The following RBM24 variants were observed in gnomAD, a reference collection of about 807,000 sequenced individuals.
The protein encoded by RBM24 is RNA-binding protein 24.
Under a neutral mutation model 23.6 loss-of-function variants are expected in RBM24, and 5 were observed. The observed-to-expected ratio is 0.21, with a 90% CI of 0.11 to 0.45. The LOEUF (loss-of-function observed/expected upper bound fraction) is 0.45. Among genes scored for constraint, RBM24 ranks in the 20% least tolerant of loss-of-function variants. The pLI is 0.99. For missense variants in RBM24, 252 were observed against 314.6 expected (o/e 0.80, Z 1.51); for synonymous variants, 151 against 129.5 (o/e 1.17, Z -1.13).
At chr6:17,282,150 A>G (rs1760038926) in intron 1 of RBM24, 1 of 1,239,282 alleles carries the variant, frequency 8.1e-7, no homozygotes, top group Non-Finnish European at 1.0e-6. Context: ...TGGCTGGGGC[A>G]GGGAGGGGAC....
At position 17,291,837 on chromosome 6, in the gene RBM24, C is replaced by T. The variant is rs1312499590; in HGVS notation, c.429C>T (p.Ala143=). Residue 143 remains alanine (A), a synonymous_variant, in exon 4 of 4, where the codon GCC becomes GCT. Transcript: ENST00000379052. The stretch of plus-strand genomic sequence containing the variant: ...CACACGTCCAGCCGACAGCAGCTGC[C>T]GCCTCCACCACCCCTTACATTGATT... ...VIPHVQPTAA[A]ASTTPYIDYT... 3.1e-6 allele frequency: 5 copies of T among 1,613,948 alleles called. No homozygotes were observed. The highest frequency in any genetic ancestry group is 1.3e-5 in the African/African-American group (1 of 74,900).
At chr6:17,283,399 G>C (rs1206051788) in intron 2 of RBM24, among the ~76,000 whole-genome samples, 1 of 152,128 alleles carries the variant, frequency 6.6e-6, no homozygotes, top group African/African-American at 2.4e-5. Flanking sequence ...AAGGGGTAGG[G>C]GCGATGTCCA....
rs1225794536 is a variant in RBM24 at position 17,292,111 on chromosome 6, A to T, written c.703A>T (p.Met235Leu). 1 of 1,529,356 alleles carries T rather than the reference A, an allele frequency of 6.5e-7. No individual in the cohort carries two copies. The highest frequency in any genetic ancestry group is 1.4e-5 in the African/African-American group (1 of 72,462). 94.7% of individuals were successfully genotyped at this position (1,529,356 alleles called of 1,614,324 possible). The change falls in exon 4 of 4, where the codon ATG becomes TTG. Residue 235 changes from methionine (M) to leucine (L), a missense_variant. Transcript: ENST00000379052. ...GCCTCAGCAGCTGCAGACAGACCGA[A>T]TGCAATAGACCAGCCATCTGATCAA... The part of the protein sequence containing the change: ...YQPQQLQTDR[M>L]Q
In RBM24 at chr6:17,284,520, T is replaced by C. The variant is rs985983120; in HGVS notation, c.293-137T>C. 7.3e-6 allele frequency: 4 copies of C among 544,224 alleles called. No homozygotes were observed. The Admixed American group carries it at 1.0e-4, about 14-fold the overall frequency. The allele number at this position is 544,224 out of a possible 1,614,324, so 33.7% of individuals were successfully genotyped here. On this transcript the variant is annotated intron_variant, in intron 2 of 3. Transcript: ENST00000379052. ...TTTATAAAACTGACTTTAAAAAATA[T>C]ACATACATATAGTTTCTTTAAAGTG...
At chr6:17,289,099 T>C (rs1234942399) in intron 3 of RBM24, 1 of 985,374 alleles carries the variant, frequency 1.0e-6, no homozygotes, top group Non-Finnish European at 1.2e-6. Flanking sequence ...GTGTCTTCTT[T>C]GCACTTGTGC....
chr6:17,290,329 A>T (rs1306377354), intron 3 of RBM24, among the ~76,000 whole-genome samples: 4 of 152,208 alleles, frequency 2.6e-5, no homozygotes, highest in Admixed American at 6.5e-5. Context: ...ATGTTTTTAG[A>T]TATAAATATA....
intron 3 of RBM24, chr6:17,288,162 A>G: frequency 1.3e-6 from 1 of 792,108 alleles, no homozygotes; most frequent in Non-Finnish European, 1.5e-6. Context: ...CTGAGTCTAG[A>G]TTCAGAATCA....
At chr6:17,288,010 T>C (rs1395123042) in intron 3 of RBM24, 1 of 152,966 alleles carries the variant, frequency 6.5e-6, no homozygotes, top group Non-Finnish European at 1.5e-5. Context: ...TGGATTGTAA[T>C]GATAAGGGAT....
Position 17,281,532 on chromosome 6 carries a change from G to T in RBM24, c.-50G>T. 4 of 1,452,710 alleles carry T rather than the reference G, an allele frequency of 2.8e-6. No homozygotes were observed. Among genetic ancestry groups the T allele is most frequent in the Non-Finnish European group, 3.6e-6 (4 of 1,102,952 alleles). The allele number at this position is 1,452,710 out of a possible 1,614,324, so 90.0% of individuals were successfully genotyped here. On this transcript the variant is annotated 5_prime_UTR_variant, in exon 1 of 4. Coordinates refer to ENST00000379052, the MANE Select transcript of RBM24 (RefSeq NM_001143942.2). This position sits in a 1 kb window ranked among gnomAD's most constrained non-coding sequence, Gnocchi z 7.1. ...AGCCGGAGGAGGAGGCGCAGCCGCT[G>T]CCCGAGCCGCAGCCGCAGCCGGAGC...
Position 17,291,876 on chromosome 6 carries a change from A to C in RBM24, c.468A>C (p.Ala156=). Reference sequence around the variant, plus strand: ...CTTACATTGATTACACTGGAGCTGCATACGCACAATACTCAGCAGCTGCTG... The same window carrying C: ...CTTACATTGATTACACTGGAGCTGCCTACGCACAATACTCAGCAGCTGCTG... The part of the protein sequence containing the change: ...TTPYIDYTGA[A]YAQYSAAAAA... The change falls in exon 4 of 4, where the codon GCA becomes GCC. Residue 156 remains alanine (A), a synonymous_variant. Coordinates refer to ENST00000379052, the MANE Select transcript of RBM24 (RefSeq NM_001143942.2). 6.2e-7 allele frequency: 1 copy of C among 1,614,026 alleles called. No individual in the cohort carries two copies. Among genetic ancestry groups the C allele is most frequent in the Non-Finnish European group, 8.5e-7 (1 of 1,180,006 alleles).
At chr6:17,288,999 G>C in intron 3 of RBM24, 1 of 985,400 alleles carries the variant, frequency 1.0e-6, no homozygotes, top group Non-Finnish European at 1.2e-6. Flanking sequence ...TTAGGATGTT[G>C]CTTTAAAAGT....
At chr6:17,284,043 A>C (rs756782035) in intron 2 of RBM24, among the ~76,000 whole-genome samples, 1 of 152,168 alleles carries the variant, frequency 6.6e-6, no homozygotes, top group Non-Finnish European at 1.5e-5. Context: ...TTCACTCCTA[A>C]GCCTTTCCAT....
At chr6:17,287,697 T>C (rs111454056) in intron 3 of RBM24, among the ~76,000 whole-genome samples, 7,097 of 151,910 alleles carry the variant, frequency 0.047, 277 homozygotes, top group East Asian at 0.15. Context: ...GTAGTCCAGC[T>C]ACTCGGGAGG....
intron 2 of RBM24, among the ~76,000 whole-genome samples, chr6:17,283,425 G>GT (rs901603648): frequency 1.3e-4 from 19 of 150,850 alleles, no homozygotes; most frequent in South Asian, 6.3e-4. Context: ...TAAAGGTTTT[G>GT]TTTTTTTTTG....
rs940467364 is a variant in RBM24 at position 17,289,845 on chromosome 6, A to C, written c.348-1911A>C. ...AACTGGCATAAGAGTAGGCTCTCTT[A>C]GCCGTGTCTACACGTTGTAGACACG... On this transcript the variant is annotated intron_variant, in intron 3 of 3. Transcript: ENST00000379052. The C allele has an allele frequency of 1.3e-5, 15 of 1,133,542 alleles. No individual in the cohort carries two copies. The African/African-American group carries it at 2.1e-4, about 16-fold the overall frequency. The allele number at this position is 1,133,542 out of a possible 1,614,324, so 70.2% of individuals were successfully genotyped here. A position where few individuals can be genotyped will look rare whatever the true frequency, so the allele number is the denominator to read the frequency against.
intron 3 of RBM24, chr6:17,288,282 G>T: frequency 1.0e-6 from 1 of 985,434 alleles, no homozygotes. Context: ...TAAGCACCAA[G>T]AAGGGCTGTC....
At position 17,292,272 on chromosome 6, in the gene RBM24, C is replaced by A; in HGVS notation, c.*153C>A. On this transcript the variant is annotated 3_prime_UTR_variant, in exon 4 of 4. Coordinates refer to ENST00000379052, the MANE Select transcript of RBM24 (RefSeq NM_001143942.2). ...GCAGAGTTATTATTTTTTTTATACT[C>A]CAGGTAGTGTTCTAGATGAGAAAGA... 1 of 687,054 alleles carries A rather than the reference C, an allele frequency of 1.5e-6. No individual in the cohort carries two copies. Among genetic ancestry groups the A allele is most frequent in the Non-Finnish European group, 2.2e-6 (1 of 456,896 alleles). The allele number at this position is 687,054 out of a possible 1,614,324, so 42.6% of individuals were successfully genotyped here. A position where few individuals can be genotyped will look rare whatever the true frequency, so the allele number is the denominator to read the frequency against.
chr6:17,291,722 C>T, intron 3 of RBM24, 34 bp from the exon 4 acceptor site: 1 of 1,575,338 alleles, frequency 6.3e-7, no homozygotes. Flanking sequence ...TAGGAGGTGA[C>T]TACCGCCTGA....
chr6:17,281,932 G>T lies in RBM24; in HGVS notation c.168+183G>T, dbSNP rs370030628. 129 of 1,335,186 alleles carry T rather than the reference G, an allele frequency of 9.7e-5. 2 individuals carry two copies. The East Asian group carries it at 1.4e-3, about 14-fold the overall frequency. The allele number at this position is 1,335,186 out of a possible 1,614,324, so 82.7% of individuals were successfully genotyped here. A position where few individuals can be genotyped will look rare whatever the true frequency, so the allele number is the denominator to read the frequency against. On this transcript the variant is annotated intron_variant, in intron 1 of 3. Transcript: ENST00000379052. This position sits in a 1 kb window ranked among gnomAD's most constrained non-coding sequence, Gnocchi z 7.1. ...GGGAGAGGGTCGGCGCCAGCCTCGC[G>T]GGGTTCGGAGAAGACCCAGCGCTGT...
Sources: allele counts gnomAD v4.1 joint callset (sites outside exome capture counted in the v4.1 genomes callset), GRCh38; gene constraint gnomAD v4.1.1; non-coding constraint Gnocchi (gnomAD v3.1); transcripts MANE v1.5; gene names NCBI Gene and HGNC (gene_info 2026-07-23, HGNC 2026-07-21).